PTPRD: variants seen among roughly 807,000 people sequenced by gnomAD.
PTPRD encodes the protein protein tyrosine phosphatase receptor type D.
Under a neutral mutation model 214.5 loss-of-function variants are expected in PTPRD, and 34 were observed. The ratio of observed to expected loss-of-function variants is 0.16; its 90% CI spans 0.12 to 0.21. The LOEUF (loss-of-function observed/expected upper bound fraction) is 0.21, where lower values mean the gene tolerates loss of function less well. PTPRD is among the 10% of genes least tolerant of loss of function. The pLI is 1.00. For synonymous variants in PTPRD, 1,128 were observed against 845.7 expected (o/e 1.33, Z -5.79); for missense variants, 2,545 against 2,398.7 (o/e 1.06, Z -1.27).
intron 2 of PTPRD, among the ~76,000 whole-genome samples, chr9:10,478,299 C>G (rs1411569575): frequency 1.3e-5 from 2 of 152,184 alleles, no homozygotes. Flanking sequence ...ACATATTACC[C>G]ACATGTTGTA....
At chr9:10,357,681 T>C (rs890979978) in intron 2 of PTPRD, among the ~76,000 whole-genome samples, 2 of 152,152 alleles carry the variant, frequency 1.3e-5, no homozygotes, top group Admixed American at 6.5e-5. Flanking sequence ...TGTTAGAGAA[T>C]TAAAGAAACA....
At chr9:8,364,527 A>T (rs913207378) in intron 39 of PTPRD, among the ~76,000 whole-genome samples, 2 of 152,224 alleles carry the variant, frequency 1.3e-5, no homozygotes, top group Non-Finnish European at 2.9e-5. Context: ...CTCATGCTAC[A>T]GCCACGGCAC....
At chr9:8,513,439 G>A (rs190412497) in intron 21 of PTPRD, among the ~76,000 whole-genome samples, 1 of 151,870 alleles carries the variant, frequency 6.6e-6, no homozygotes, top group African/African-American at 2.4e-5. Context: ...TTGGAATCCG[G>A]TTTCAAACAA....
chr9:10,156,266 G>C (rs992327034), intron 3 of PTPRD, among the ~76,000 whole-genome samples: 1 of 151,928 alleles, frequency 6.6e-6, no homozygotes, highest in African/African-American at 2.4e-5. Flanking sequence ...TTTAATGTGA[G>C]GATTTAGTGC....
At chr9:9,913,444 C>T (rs72692734) in intron 5 of PTPRD, among the ~76,000 whole-genome samples, 14,665 of 152,132 alleles carry the variant, frequency 0.096, 830 homozygotes, top group South Asian at 0.21. Context: ...TGGCTGACTA[C>T]AGATGCCTAG....
intron 5 of PTPRD, among the ~76,000 whole-genome samples, chr9:9,925,232 G>A (rs776139219): frequency 6.6e-6 from 1 of 152,034 alleles, no homozygotes. Context: ...CCCATGTGCT[G>A]CCTAAAATGT....
intron 36 of PTPRD, among the ~76,000 whole-genome samples, chr9:8,392,411 A>C (rs1310388720): frequency 2.6e-5 from 4 of 152,076 alleles, no homozygotes; most frequent in Non-Finnish European, 5.9e-5. Flanking sequence ...CTGTAGTCCC[A>C]GCTACCTGGG....
At chr9:9,792,559 T>C (rs748672838) in intron 5 of PTPRD, among the ~76,000 whole-genome samples, 6 of 152,184 alleles carry the variant, frequency 3.9e-5, no homozygotes, top group African/African-American at 1.2e-4. Flanking sequence ...TTTTAGGAGA[T>C]AAATTTATGT....
chr9:10,436,897 C>T (rs1339836037), intron 2 of PTPRD, among the ~76,000 whole-genome samples: 1 of 151,710 alleles, frequency 6.6e-6, no homozygotes, highest in South Asian at 2.1e-4. Context: ...AATATACTCA[C>T]GGAACTAAAT....
chr9:8,607,666 T>A (rs148107281), intron 14 of PTPRD, among the ~76,000 whole-genome samples: 268 of 151,994 alleles, frequency 1.8e-3, no homozygotes, highest in African/African-American at 4.0e-3. Flanking sequence ...AAAAATAAAT[T>A]AATTAATTAA....
Position 8,818,874 on chromosome 9 carries a change from T to C in PTPRD, c.-103-84928A>G, listed in dbSNP as rs540201276. Among the ~76,000 whole-genome samples the C allele has an allele frequency of 8.5e-5, 13 of 152,210 alleles. No homozygotes were observed. The South Asian group carries it at 1.7e-3, about 19-fold the overall frequency. On this transcript the variant is annotated intron_variant, in intron 11 of 45. Transcript: ENST00000381196. ...TTCTGAACACATAGCTGTTTGTTCG[T>C]ACAACAGATTTAAACAATTACTCCC...
At chr9:9,285,961 G>A (rs1949219803) in intron 9 of PTPRD, among the ~76,000 whole-genome samples, 1 of 151,606 alleles carries the variant, frequency 6.6e-6, no homozygotes, top group Admixed American at 6.6e-5. Flanking sequence ...TCTGCCAGAG[G>A]CATTTCAGAC....
chr9:8,597,473 C>A (rs952471754), intron 14 of PTPRD, among the ~76,000 whole-genome samples: 3 of 151,490 alleles, frequency 2.0e-5, no homozygotes, highest in African/African-American at 4.9e-5. Flanking sequence ...CCAATCTTTG[C>A]ATTTATACAA....
At chr9:8,684,129 T>C (rs2097620208) in intron 12 of PTPRD, among the ~76,000 whole-genome samples, 1 of 152,144 alleles carries the variant, frequency 6.6e-6, no homozygotes, top group African/African-American at 2.4e-5. Flanking sequence ...ATTACTAACC[T>C]ATAGAAATCT....
At chr9:9,167,328 T>TTGTGTGTGTG (rs147430665) in intron 10 of PTPRD, among the ~76,000 whole-genome samples, 1 of 145,690 alleles carries the variant, frequency 6.9e-6, no homozygotes, top group South Asian at 2.2e-4. Context: ...TATATGGGGT[T>TTGTGTGTGTG]TGTGTGTGTG....
At chr9:10,269,981 T>TA (rs1487371277) in intron 3 of PTPRD, among the ~76,000 whole-genome samples, 23 of 152,058 alleles carry the variant, frequency 1.5e-4, no homozygotes, top group African/African-American at 5.1e-4. Context: ...AATAAAATAC[T>TA]AAATGTAAGC....
intron 11 of PTPRD, among the ~76,000 whole-genome samples, chr9:8,753,053 C>G (rs1170171720): frequency 6.6e-6 from 1 of 152,208 alleles, no homozygotes; most frequent in Non-Finnish European, 1.5e-5. Context: ...ACGGTTACAT[C>G]TAAATTAATT....
intron 9 of PTPRD, among the ~76,000 whole-genome samples, chr9:9,274,882 T>A (rs1944370955): frequency 6.7e-6 from 1 of 148,498 alleles, no homozygotes; most frequent in Admixed American, 6.9e-5. Flanking sequence ...ATTCTACTCG[T>A]AAATAATTTG....
intron 6 of PTPRD, among the ~76,000 whole-genome samples, chr9:9,762,670 A>G (rs143883247): frequency 6.6e-6 from 1 of 152,204 alleles, no homozygotes; most frequent in African/African-American, 2.4e-5. Context: ...TTACACTGAC[A>G]TGATCCTCAT....
Sources: allele counts gnomAD v4.1 joint callset (sites outside exome capture counted in the v4.1 genomes callset), GRCh38; gene constraint gnomAD v4.1.1; transcripts MANE v1.5; gene names NCBI Gene and HGNC (gene_info 2026-07-23, HGNC 2026-07-21).